Variants in CAMK4 observed in about 807,000 individuals in gnomAD.
The protein encoded by CAMK4 is calcium/calmodulin dependent protein kinase IV, also known as calcium/calmodulin-dependent protein kinase type IV.
In CAMK4, 22 loss-of-function variants were observed where a neutral mutation model predicts 44.9. That is an observed-to-expected ratio of 0.49 (90% CI 0.35 to 0.70). The LOEUF (loss-of-function observed/expected upper bound fraction) is 0.70. Among genes scored for constraint, CAMK4 ranks in the 30% least tolerant of loss-of-function variants. The pLI is 0.01. For synonymous variants in CAMK4, 218 were observed against 215.4 expected, an observed-to-expected ratio of 1.01 and a Z score of -0.11; for missense variants, 498 against 586.8, an observed-to-expected ratio of 0.85 and a Z score of 1.56.
rs70973607 is a variant in CAMK4 at position 111,429,777 on chromosome 5, C to CAAAAA, written c.460-16882_460-16878dup. 6.9e-3 allele frequency among the ~76,000 whole-genome samples: 181 copies of CAAAAA among 26,348 alleles called. 7 individuals are homozygous for CAAAAA. Among genetic ancestry groups the CAAAAA allele is most frequent in the African/African-American group, 8.8e-3 (61 of 6,906 alleles). 17.3% of individuals were successfully genotyped at this position (26,348 alleles called of 152,430 possible). On this transcript the variant is annotated intron_variant, in intron 5 of 10. Coordinates refer to ENST00000282356, the MANE Select transcript of CAMK4 (RefSeq NM_001744.6). The stretch of plus-strand genomic sequence containing the variant: ...TGGGTGACAGAGTGAGACCTCATCT[C>CAAAAA]AAAAAAAAAAAAAAAAAAAAAAAAA...
intron 5 of CAMK4, among the ~76,000 whole-genome samples, chr5:111,439,743 C>T (rs1332429070): frequency 6.6e-6 from 1 of 151,932 alleles, no homozygotes; most frequent in East Asian, 1.9e-4. Flanking sequence ...ATGAGCTCAC[C>T]CTGGAAACAC....
rs189052086 is a variant in CAMK4 at position 111,345,581 on chromosome 5, T to C, written c.240+1479T>C. ...TGGTTAAAAAACTGTCAGTAAAATT[T>C]GTGAAGGGCTATTTGTTTTTCATAG... On this transcript the variant is annotated intron_variant, in intron 2 of 10. Transcript: ENST00000282356. 3.8e-3 allele frequency among the ~76,000 whole-genome samples: 571 copies of C among 152,078 alleles called. 5 individuals carry two copies. Among genetic ancestry groups the C allele is most frequent in the African/African-American group, 0.012 (517 of 41,518 alleles).
intron 1 of CAMK4, among the ~76,000 whole-genome samples, chr5:111,288,065 A>T (rs773570936): frequency 6.6e-6 from 1 of 152,234 alleles, no homozygotes; most frequent in Admixed American, 6.5e-5. Flanking sequence ...AAATGAAATT[A>T]TGTAGTGTAT....
chr5:111,341,676 A>T (rs1008535164), intron 1 of CAMK4, among the ~76,000 whole-genome samples: 2 of 151,338 alleles, frequency 1.3e-5, no homozygotes, highest in Admixed American at 1.3e-4. Context: ...GCTTACATAG[A>T]CCTTACTGTG....
chr5:111,382,944 C>G (rs990986085), intron 4 of CAMK4, among the ~76,000 whole-genome samples: 1 of 152,152 alleles, frequency 6.6e-6, no homozygotes, highest in Non-Finnish European at 1.5e-5. Context: ...TTAAATACAT[C>G]TCTTTATGTG....
intron 2 of CAMK4, among the ~76,000 whole-genome samples, chr5:111,345,808 C>T (rs138560422): frequency 6.6e-6 from 1 of 152,058 alleles, no homozygotes; most frequent in African/African-American, 2.4e-5. Flanking sequence ...GGGCAAGTGC[C>T]GCTCTGGTTC....
At chr5:111,250,748 C>A (rs947798289) in intron 1 of CAMK4, among the ~76,000 whole-genome samples, 5 of 152,256 alleles carry the variant, frequency 3.3e-5, no homozygotes, top group African/African-American at 1.2e-4. Flanking sequence ...ATCCATTTAT[C>A]CTCTACATTT....
In CAMK4 at chr5:111,345,064, A is replaced by AT. The variant is rs369510213; in HGVS notation, c.240+970dup. 3.7e-3 allele frequency among the ~76,000 whole-genome samples: 567 copies of AT among 151,660 alleles called. 5 individuals carry two copies. Among genetic ancestry groups the AT allele is most frequent in the African/African-American group, 0.012 (513 of 41,418 alleles). ...GTCAAATACATTTTTAGGCCAAGGA[A>AT]TTTTTTTTCCTCAAGGCAGCTTAAA... On this transcript the variant is annotated intron_variant, in intron 2 of 10. Coordinates refer to ENST00000282356, the MANE Select transcript of CAMK4 (RefSeq NM_001744.6).
rs1554064161 is a variant in CAMK4 at position 111,354,445 on chromosome 5, C to CAT, written c.240+10344_240+10345insTA. 6.4e-3 allele frequency among the ~76,000 whole-genome samples: 800 copies of CAT among 125,190 alleles called. 8 individuals are homozygous for CAT. Among genetic ancestry groups the CAT allele is most frequent in the African/African-American group, 0.02 (776 of 38,268 alleles). 82.1% of individuals were successfully genotyped at this position (125,190 alleles called of 152,430 possible). On this transcript the variant is annotated intron_variant, in intron 2 of 10. Transcript: ENST00000282356. ...GAGTAAATGTTAAATATTCTCACCACAAAAAAAAAAAAACTACGTGAGGTG... is the reference window on the plus strand; with the variant it reads ...GAGTAAATGTTAAATATTCTCACCACATAAAAAAAAAAAAACTACGTGAGGTG...
intron 2 of CAMK4, among the ~76,000 whole-genome samples, chr5:111,360,855 G>T (rs1750563444): frequency 6.6e-6 from 1 of 152,028 alleles, no homozygotes. Context: ...TTGCTATGGG[G>T]CAACACTGAC....
intron 1 of CAMK4, among the ~76,000 whole-genome samples, chr5:111,343,656 A>C (rs1749735425): frequency 6.6e-6 from 1 of 151,754 alleles, no homozygotes; most frequent in Non-Finnish European, 1.5e-5. Context: ...GTTTTATTCC[A>C]GACATGTACC....
intron 2 of CAMK4, among the ~76,000 whole-genome samples, chr5:111,363,080 G>A (rs1750657475): frequency 6.6e-6 from 1 of 152,094 alleles, no homozygotes; most frequent in South Asian, 2.1e-4. Flanking sequence ...AAATGGGGGA[G>A]AAGAGTGAGC....
At chr5:111,445,348 A>G (rs1753987975) in intron 5 of CAMK4, among the ~76,000 whole-genome samples, 1 of 152,296 alleles carries the variant, frequency 6.6e-6, no homozygotes, top group Admixed American at 6.5e-5. Context: ...GATATATATA[A>G]GTAGGAAAAT....
intron 1 of CAMK4, among the ~76,000 whole-genome samples, chr5:111,271,202 T>C (rs150555915): frequency 3.9e-5 from 6 of 152,344 alleles, no homozygotes; most frequent in African/African-American, 1.4e-4. Context: ...TCAATGAGTA[T>C]GTCAGTGGAA....
At chr5:111,472,132 T>C (rs1755086254) in intron 7 of CAMK4, among the ~76,000 whole-genome samples, 2 of 152,104 alleles carry the variant, frequency 1.3e-5, no homozygotes, top group Admixed American at 6.6e-5. Context: ...TGACCTCAGG[T>C]GATCCACCTG....
At chr5:111,342,720 A>G (rs1462807627) in intron 1 of CAMK4, among the ~76,000 whole-genome samples, 2 of 151,488 alleles carry the variant, frequency 1.3e-5, no homozygotes, top group Non-Finnish European at 3.0e-5. Context: ...CCATTCTTGA[A>G]TATTTCATTT....
chr5:111,286,531 G>A (rs551020260), intron 1 of CAMK4, among the ~76,000 whole-genome samples: 4 of 152,214 alleles, frequency 2.6e-5, no homozygotes, highest in Non-Finnish European at 5.9e-5. Context: ...ATGATGCTCA[G>A]AATGTTCAAG....
intron 1 of CAMK4, among the ~76,000 whole-genome samples, chr5:111,316,133 A>G (rs1293117470): frequency 2.0e-5 from 3 of 152,130 alleles, no homozygotes; most frequent in Non-Finnish European, 2.9e-5. Flanking sequence ...CTTTCCAATA[A>G]TTTCTAATCA....
rs1186631708 is a variant in CAMK4, at chr5:111,237,978, C to T, written c.161+13334C>T. ...TAACTTTACATTCCTGATGTTTATG[C>T]ACTGTCAAAGTAATTATTCTGGAAA... On this transcript the variant is annotated intron_variant, in intron 1 of 10. Coordinates refer to ENST00000282356, the MANE Select transcript of CAMK4 (RefSeq NM_001744.6). Among the ~76,000 whole-genome samples the T allele has an allele frequency of 5.3e-5, 8 of 152,326 alleles. No homozygotes were observed. The East Asian group carries it at 1.5e-3, about 29-fold the overall frequency.
Sources: allele counts gnomAD v4.1 joint callset (sites outside exome capture counted in the v4.1 genomes callset), GRCh38; gene constraint gnomAD v4.1.1; transcripts MANE v1.5; gene names NCBI Gene and HGNC (gene_info 2026-07-23, HGNC 2026-07-21).